Variants in ZNF239 observed in about 807,000 individuals in gnomAD.
The protein encoded by ZNF239 is zinc finger protein 239.
In ZNF239, 16 loss-of-function variants were observed where a neutral mutation model predicts 27.5. The ratio of observed to expected loss-of-function variants is 0.58; its 90% CI spans 0.39 to 0.88. The LOEUF is 0.88. Ranked by LOEUF, ZNF239 falls within the 40% of genes least tolerant of loss-of-function variation. ZNF239 has a pLI of 0.00. For synonymous variants in ZNF239, 199 were observed against 192.6 expected, an observed-to-expected ratio of 1.03 and a Z score of -0.27; for missense variants, 527 against 551.9, an observed-to-expected ratio of 0.95 and a Z score of 0.45.
chr10:43,570,309 G>T (rs1182227191), intron 2 of ZNF239: 1 of 985,228 alleles, frequency 1.0e-6, no homozygotes, highest in Non-Finnish European at 1.2e-6. Flanking sequence ...AAGCCCCGGA[G>T]TAAAGGTGGG....
intron 2 of ZNF239, among the ~76,000 whole-genome samples, chr10:43,571,364 T>A (rs1049069797): frequency 6.6e-6 from 1 of 151,060 alleles, no homozygotes; most frequent in African/African-American, 2.4e-5. Flanking sequence ...CTTTCTATAG[T>A]AAGCCCTAAC....
intron 2 of ZNF239, chr10:43,570,136 C>A: frequency 1.0e-6 from 1 of 983,582 alleles, no homozygotes; most frequent in Non-Finnish European, 1.2e-6. Context: ...CCACTCCCTC[C>A]TTCCTTGGGC....
chr10:43,568,208 C>T, intron 2 of ZNF239, 187 bp from the exon 3 acceptor site: 1 of 985,468 alleles, frequency 1.0e-6, no homozygotes, highest in Non-Finnish European at 1.2e-6. Flanking sequence ...TGGCTACTTC[C>T]ATCCAAATCA....
intron 2 of ZNF239, among the ~76,000 whole-genome samples, chr10:43,571,940 GAAT>G (rs1166105857): frequency 1.3e-5 from 2 of 152,092 alleles, no homozygotes; most frequent in Non-Finnish European, 2.9e-5. Context: ...CAATTTAAAT[GAAT>G]AATAATACAA....
At chr10:43,565,902 C>A (rs140643523) in intron 3 of ZNF239, among the ~76,000 whole-genome samples, 1,672 of 141,774 alleles carry the variant, frequency 0.012, 12 homozygotes, top group Non-Finnish European at 0.018. Flanking sequence ...CTGGAGGAAA[C>A]AGAAAAACTA....
chr10:43,557,185 C>T lies in ZNF239; in HGVS notation c.895G>A (p.Gly299Ser), dbSNP rs997480353. Residue 299 changes from glycine (G) to serine (S), a missense_variant, in exon 4 of 4, where the codon GGC becomes AGC. Physicochemically the swap from Gly to Ser is moderately conservative, Grantham distance 56 (BLOSUM62 0). Transcript: ENST00000374446. ...KPYKCDKCGK[G>S]FSQSSKLHIH... ...TGCAGTTTGGAGCTCTGACTAAAGCCCTTCCCACACTTGTCACATTTATAA... is the reference window on the plus strand; with the variant it reads ...TGCAGTTTGGAGCTCTGACTAAAGCTCTTCCCACACTTGTCACATTTATAA... The T allele has an allele frequency of 3.7e-6, 6 of 1,614,076 alleles. 1 individual carries two copies. The highest frequency in any genetic ancestry group is 1.6e-4 in the Middle Eastern group (1 of 6,062).
chr10:43,563,399 T>C (rs1837406156), intron 3 of ZNF239, among the ~76,000 whole-genome samples: 1 of 152,176 alleles, frequency 6.6e-6, no homozygotes, highest in East Asian at 1.9e-4. Flanking sequence ...GGTCCTTTTA[T>C]AGGGATTTAA....
rs1391948630 is a variant in ZNF239, at chr10:43,570,502, T to C, written c.-215-2481A>G. The C allele has an allele frequency of 2.0e-5, 20 of 985,004 alleles. No homozygotes were observed. In the East Asian group the frequency reaches 2.3e-3, roughly 112 times the overall value. 61.0% of individuals were successfully genotyped at this position (985,004 alleles called of 1,614,324 possible). On this transcript the variant is annotated intron_variant, in intron 2 of 3. Transcript: ENST00000374446. The stretch of plus-strand genomic sequence containing the variant: ...AAGGCTAATCTCTTCCTGTGCATTC[T>C]AGATCAAATCCCTTCTTCTATCTTC...
chr10:43,568,140 A>T (rs917915044), intron 2 of ZNF239, 119 bp from the exon 3 acceptor site: 1 of 985,466 alleles, frequency 1.0e-6, no homozygotes. Context: ...TTTGCAGCTC[A>T]GGGATCTGAG....
At chr10:43,564,177 G>T in intron 3 of ZNF239, 2 of 468,438 alleles carry the variant, frequency 4.3e-6, no homozygotes, top group Non-Finnish European at 5.6e-6. Context: ...TTAGCTCCCA[G>T]TTTAATGTCA....
chr10:43,570,538 G>A, intron 2 of ZNF239: 8 of 982,584 alleles, frequency 8.1e-6, no homozygotes, highest in Non-Finnish European at 9.6e-6. Context: ...AGAGATGCAA[G>A]CCCACCAATT....
chr10:43,569,274 GC>G (rs1837882331), intron 2 of ZNF239, among the ~76,000 whole-genome samples: 2 of 152,096 alleles, frequency 1.3e-5, no homozygotes, highest in Admixed American at 1.3e-4. Flanking sequence ...GGCAGCACTT[GC>G]TCTCACCCAC....
intron 3 of ZNF239, among the ~76,000 whole-genome samples, chr10:43,562,280 A>G (rs958668322): frequency 5.3e-5 from 8 of 152,254 alleles, no homozygotes; most frequent in African/African-American, 1.9e-4. Flanking sequence ...GAAGACACAC[A>G]TTACTTGTGA....
chr10:43,570,300 A>T, intron 2 of ZNF239: 2 of 985,374 alleles, frequency 2.0e-6, no homozygotes, highest in Non-Finnish European at 2.4e-6. Flanking sequence ...AGGAGGCTCA[A>T]GCCCCGGAGT....
At chr10:43,558,940 T>G (rs1319295405) in intron 3 of ZNF239, among the ~76,000 whole-genome samples, 3 of 152,092 alleles carry the variant, frequency 2.0e-5, no homozygotes, top group Non-Finnish European at 4.4e-5. Flanking sequence ...AAGAGATGTA[T>G]GCCTAACCAG....
chr10:43,566,950 C>T (rs955696900), intron 3 of ZNF239, among the ~76,000 whole-genome samples: 9 of 151,744 alleles, frequency 5.9e-5, no homozygotes, highest in Non-Finnish European at 1.3e-4. Context: ...TTTATCTGGC[C>T]GGGTGTGGTG....
intron 2 of ZNF239, chr10:43,570,429 C>A: frequency 1.0e-6 from 1 of 985,326 alleles, no homozygotes; most frequent in Non-Finnish European, 1.2e-6. Context: ...CTCTTCCCAA[C>A]CAGACCTTCT....
intron 3 of ZNF239, among the ~76,000 whole-genome samples, chr10:43,563,506 T>C (rs1205222407): frequency 6.6e-6 from 1 of 152,210 alleles, no homozygotes; most frequent in African/African-American, 2.4e-5. Context: ...ACTTGTAATG[T>C]ACATACATAA....
At chr10:43,574,116 G>A (rs1224922137) in intron 1 of ZNF239, among the ~76,000 whole-genome samples, 1 of 152,222 alleles carries the variant, frequency 6.6e-6, no homozygotes, top group Admixed American at 6.5e-5. Flanking sequence ...CAGTGCTGCG[G>A]ACAGAAACCT....
Sources: gnomAD v4.1 joint callset for allele counts (sites outside exome capture counted in the v4.1 genomes callset) on GRCh38, gnomAD v4.1.1 for gene constraint, MANE v1.5 for transcripts, NCBI Gene and HGNC (gene_info 2026-07-23, HGNC 2026-07-21) for gene names.